Variants in CTBP1 observed in about 807,000 individuals in gnomAD.
The protein encoded by CTBP1 is C-terminal binding protein 1, also known as C-terminal-binding protein 1.
A neutral mutation model predicts 42.1 loss-of-function variants in CTBP1; 11 were observed. That is an observed-to-expected ratio of 0.26 (90% CI 0.16 to 0.43). The LOEUF is 0.43. CTBP1 is among the 20% of genes least tolerant of loss of function. CTBP1 has a pLI of 1.00. For synonymous variants in CTBP1, 324 were observed against 277.1 expected (o/e 1.17, Z -1.68); for missense variants, 399 against 624.3 (o/e 0.64, Z 3.85).
intron 5 of CTBP1, chr4:1,221,753 AG>A: frequency 2.5e-6 from 1 of 406,434 alleles, no homozygotes; most frequent in Non-Finnish European, 4.9e-6. Context: ...AGGGGGCCCG[AG>A]GGAGCTGTCT....
At position 1,225,444 on chromosome 4, in the gene CTBP1, G is replaced by T; in HGVS notation, c.430C>A (p.Arg144=). 1 of 1,546,800 alleles carries T rather than the reference G, an allele frequency of 6.5e-7. No individual in the cohort carries two copies. Among genetic ancestry groups the T allele is most frequent in the Non-Finnish European group, 8.7e-7 (1 of 1,148,816 alleles). ...WLHQALREGT[R]VQSVEQIREV... is the part of the protein sequence containing the mutation. ...CGGATCTGCTCGACGCTCTGGACTC[G>T]TGTGCCCTCCCGCAGCGCCTGGTGC... The change falls in exon 5 of 10, where the codon CGA becomes AGA. Residue 144 remains arginine (R), a synonymous_variant. Coordinates refer to ENST00000382952, the MANE Select transcript of CTBP1 (RefSeq NM_001012614.2).
At position 1,233,529 on chromosome 4, in the gene CTBP1, G is replaced by T. The variant is rs1002606556; in HGVS notation, c.162+4654C>A. ...CCGGACGCAGCCTCCAGGCTCCAGG[G>T]CTTCCTTTTTCTTGCTCAGCAGTTT... On this transcript the variant is annotated intron_variant, in intron 3 of 9. Coordinates refer to ENST00000382952, the MANE Select transcript of CTBP1 (RefSeq NM_001012614.2). The surrounding 1 kb of genome is among the most constrained non-coding windows in gnomAD (Gnocchi z 4.6). 2.0e-5 allele frequency among the ~76,000 whole-genome samples: 3 copies of T among 152,238 alleles called. No individual in the cohort carries two copies. The highest frequency in any genetic ancestry group is 2.9e-5 in the Non-Finnish European group (2 of 68,012).
At chr4:1,216,511 C>G in intron 5 of CTBP1, 2 of 541,500 alleles carry the variant, frequency 3.7e-6, no homozygotes, top group Non-Finnish European at 6.6e-6. Context: ...ACATGAACCA[C>G]TCAGTGTCAA....
chr4:1,213,383 AC>A, intron 8 of CTBP1, 94 bp downstream of exon 8: 1 of 1,571,658 alleles, frequency 6.4e-7, no homozygotes, highest in Non-Finnish European at 8.6e-7. Flanking sequence ...AGCTGGCAGA[AC>A]ATGGGCCTGG....
At chr4:1,242,621 T>A (rs1732295216) in intron 1 of CTBP1, 1 of 985,228 alleles carries the variant, frequency 1.0e-6, no homozygotes, top group African/African-American at 1.7e-5. Flanking sequence ...GCACCTCCCA[T>A]CCAGGGTCCC....
intron 1 of CTBP1, chr4:1,244,359 G>GGA (rs1553851086): frequency 7.1e-6 from 7 of 984,218 alleles, no homozygotes; most frequent in Non-Finnish European, 8.4e-6. Context: ...GGCACTGGGG[G>GGA]GGGGGTGTTC....
intron 1 of CTBP1, chr4:1,243,379 G>T: frequency 1.0e-6 from 1 of 985,340 alleles, no homozygotes; most frequent in Non-Finnish European, 1.2e-6. Context: ...TGCACTCCCT[G>T]GGCTAGCCCT....
chr4:1,214,383 G>T lies in CTBP1; in HGVS notation c.820C>A (p.Arg274Ser). 6.4e-7 allele frequency: 1 copy of T among 1,564,800 alleles called. No individual in the cohort carries two copies. ...LAQALKEGRIRGAALDVHESE... is the reference protein window; with the variant it reads ...LAQALKEGRISGAALDVHESE... ...TCGTGCACATCCAGGGCCGCGCCGCGGATCCGGCCCTCCTTCAGGGCCTGG... is the reference window on the plus strand; with the variant it reads ...TCGTGCACATCCAGGGCCGCGCCGCTGATCCGGCCCTCCTTCAGGGCCTGG... Residue 274 changes from arginine to serine, a missense_variant, in exon 7 of 10, where the codon CGC becomes AGC. Physicochemically the swap from Arg to Ser is moderately radical, Grantham distance 110 (BLOSUM62 -1). This residue lies in a region of CTBP1 where 309 missense variants were observed against 497.5 expected (regional missense o/e 0.62). Transcript: ENST00000382952.
At position 1,238,050 on chromosome 4, in the gene CTBP1, G is replaced by A; in HGVS notation, c.162+133C>T. 8.2e-7 allele frequency: 1 copy of A among 1,219,652 alleles called. No individual in the cohort carries two copies. The highest frequency in any genetic ancestry group is 1.2e-6 in the Non-Finnish European group (1 of 832,344). 75.6% of individuals were successfully genotyped at this position (1,219,652 alleles called of 1,614,324 possible). A position where few individuals can be genotyped will look rare whatever the true frequency, so the allele number is the denominator to read the frequency against. ...CCGTGTCCACCTCCTGACGGCGCGG[G>A]ACGACTGGGACAGAGGCTGCTCCTG... On this transcript the variant is annotated intron_variant, in intron 3 of 9. Coordinates refer to ENST00000382952, the MANE Select transcript of CTBP1 (RefSeq NM_001012614.2). This position sits in a 1 kb window ranked among gnomAD's most constrained non-coding sequence, Gnocchi z 5.9.
rs1351852815 is a variant in CTBP1 at position 1,213,530 on chromosome 4, T to C, written c.936A>G (p.Ala312=). ...TPHAAWYSEQ[A]SIEMREEAAR... ...CCGCCTCCTCTCGCATCTCGATGGA[T>C]GCCTGCTCGCTGTACCATGCAGCAT... Residue 312 remains alanine (A), a synonymous_variant, in exon 8 of 10, where the codon GCA becomes GCG. Transcript: ENST00000382952. The C allele has an allele frequency of 2.3e-5, 37 of 1,613,130 alleles. No individual in the cohort carries two copies. Among genetic ancestry groups the C allele is most frequent in the Non-Finnish European group, 3.1e-5 (37 of 1,179,932 alleles).
chr4:1,244,398 G>A (rs530753838), intron 1 of CTBP1: 84 of 984,112 alleles, frequency 8.5e-5, no homozygotes, highest in East Asian at 1.1e-4. Flanking sequence ...ACCAAGATGC[G>A]CCAGGACCAA....
At chr4:1,247,499 C>G (rs951844825) in intron 1 of CTBP1, among the ~76,000 whole-genome samples, 1 of 152,162 alleles carries the variant, frequency 6.6e-6, no homozygotes, top group African/African-American at 2.4e-5. Flanking sequence ...AGGCCCAGGG[C>G]AGAGCCACGC....
chr4:1,227,537 C>T (rs1195585117), intron 4 of CTBP1, among the ~76,000 whole-genome samples: 43 of 141,558 alleles, frequency 3.0e-4, no homozygotes, highest in African/African-American at 1.1e-3. Flanking sequence ...GCTGAGTGCA[C>T]ATGCATGGCT....
At chr4:1,227,587 G>A (rs534911471) in intron 4 of CTBP1, among the ~76,000 whole-genome samples, 106 of 148,024 alleles carry the variant, frequency 7.2e-4, no homozygotes, top group African/African-American at 2.4e-3. Flanking sequence ...TGCGTGATCC[G>A]TGTGCTGAGT....
At chr4:1,222,317 C>T (rs1225001602) in intron 5 of CTBP1, among the ~76,000 whole-genome samples, 5 of 150,898 alleles carry the variant, frequency 3.3e-5, no homozygotes, top group African/African-American at 1.2e-4. Flanking sequence ...TCAGGGGGCT[C>T]GTGTCCCTAA....
chr4:1,228,471 C>G, intron 3 of CTBP1, 128 bp from the exon 4 acceptor site: 3 of 1,192,138 alleles, frequency 2.5e-6, no homozygotes, highest in Non-Finnish European at 3.5e-6. Flanking sequence ...AGCACCAGCC[C>G]GGACACTGGG....
chr4:1,241,854 G>A (rs1732213818), intron 1 of CTBP1: 1 of 1,151,224 alleles, frequency 8.7e-7, no homozygotes, highest in South Asian at 1.8e-5. Context: ...AGAACCAGGG[G>A]ACGGAGGGCA....
intron 3 of CTBP1, among the ~76,000 whole-genome samples, chr4:1,230,854 C>T (rs1730893871): frequency 1.3e-5 from 2 of 152,246 alleles, no homozygotes; most frequent in Admixed American, 6.5e-5. Flanking sequence ...TCGGAGAAGC[C>T]GAAGCGTGCG....
At chr4:1,232,459 G>A (rs1489893081) in intron 3 of CTBP1, among the ~76,000 whole-genome samples, 1 of 151,994 alleles carries the variant, frequency 6.6e-6, no homozygotes, top group African/African-American at 2.4e-5. Context: ...CTACAGGCGC[G>A]CACCACCACG....
Sources: allele counts gnomAD v4.1 joint callset (sites outside exome capture counted in the v4.1 genomes callset), GRCh38; gene constraint gnomAD v4.1.1; regional missense constraint gnomAD v4.1.1; non-coding constraint Gnocchi (gnomAD v3.1); transcripts MANE v1.5; gene names NCBI Gene and HGNC (gene_info 2026-07-23, HGNC 2026-07-21).